Variants in ADCK1 observed in about 807,000 individuals in gnomAD.
ADCK1 encodes aarF domain-containing protein kinase 1.
Under a neutral mutation model 52.3 loss-of-function variants are expected in ADCK1, and 41 were observed. That is an observed-to-expected ratio of 0.78 (90% confidence interval 0.61 to 1.02). The LOEUF (loss-of-function observed/expected upper bound fraction) is 1.02, where lower values mean the gene tolerates loss of function less well. Among genes scored for constraint, ADCK1 ranks in the 50% least tolerant of loss-of-function variants. The pLI is 0.00. For missense variants in ADCK1, 658 were observed against 679.5 expected, an observed-to-expected ratio of 0.97 and a Z score of 0.35; for synonymous variants, 250 against 274.6, an observed-to-expected ratio of 0.91 and a Z score of 0.89.
chr14:77,841,457 A>C (rs904141489), intron 3 of ADCK1, among the ~76,000 whole-genome samples: 4 of 152,006 alleles, frequency 2.6e-5, no homozygotes, highest in African/African-American at 7.2e-5. Context: ...AAAAAACTCT[A>C]TATAAAAAAT....
rs558553937 is a variant in ADCK1 at position 77,871,415 on chromosome 14, T to C, written c.423+12136T>C. Among the ~76,000 whole-genome samples, 3 of 152,256 alleles carry C rather than the reference T, an allele frequency of 2.0e-5. No individual in the cohort carries two copies. In the South Asian group the frequency reaches 6.2e-4, roughly 32 times the overall value. On this transcript the variant is annotated intron_variant, in intron 4 of 10. Coordinates refer to ENST00000238561, the MANE Select transcript of ADCK1 (RefSeq NM_020421.4). ...CTCAGTTGCCCAGGCTGGAGTGTAGTGGCATGATCTCTGCTCATGGCAACC... is the reference window on the plus strand; with the variant it reads ...CTCAGTTGCCCAGGCTGGAGTGTAGCGGCATGATCTCTGCTCATGGCAACC...
rs377136297 is a variant in ADCK1, at chr14:77,917,936, T to C, written c.859-6521T>C. 1.1e-4 allele frequency among the ~76,000 whole-genome samples: 16 copies of C among 152,326 alleles called. No homozygotes were observed. The East Asian group carries it at 1.2e-3, about 11-fold the overall frequency. On this transcript the variant is annotated intron_variant, in intron 7 of 10. Transcript: ENST00000238561. ...GTGGAGAGGCAGTATAACGGAGCGA[T>C]TGAGGCCTGTTCTCTGGAGCCAGTG...
At chr14:77,909,908 A>C (rs1445611568) in intron 7 of ADCK1, among the ~76,000 whole-genome samples, 1 of 152,204 alleles carries the variant, frequency 6.6e-6, no homozygotes, top group East Asian at 1.9e-4. Flanking sequence ...TCAGAGTCTC[A>C]GAGAGAGAAG....
At chr14:77,881,374 G>A (rs942333103) in intron 4 of ADCK1, among the ~76,000 whole-genome samples, 32 of 152,164 alleles carry the variant, frequency 2.1e-4, no homozygotes, top group African/African-American at 7.2e-4. Flanking sequence ...TGAGAGACTC[G>A]TCACAGCCTT....
chr14:77,931,320 G>A (rs1185578996), intron 9 of ADCK1, among the ~76,000 whole-genome samples, 198 bp from the exon 10 acceptor site: 5 of 152,236 alleles, frequency 3.3e-5, no homozygotes, highest in Admixed American at 6.5e-5. Context: ...ATCCCCTTCC[G>A]GGTTTGTCAG....
intron 9 of ADCK1, among the ~76,000 whole-genome samples, chr14:77,927,134 T>G (rs1453533140): frequency 1.3e-5 from 2 of 152,198 alleles, no homozygotes; most frequent in East Asian, 3.9e-4. Flanking sequence ...CTGCTTACCC[T>G]GTAAGCTGCT....
chr14:77,804,085 G>T (rs528155335), intron 1 of ADCK1, among the ~76,000 whole-genome samples: 1 of 152,228 alleles, frequency 6.6e-6, no homozygotes, highest in South Asian at 2.1e-4. Flanking sequence ...TTAATATAAA[G>T]GCTAGTTCTT....
chr14:77,889,090 A>G (rs1325064708), intron 5 of ADCK1, among the ~76,000 whole-genome samples: 1 of 151,698 alleles, frequency 6.6e-6, no homozygotes, highest in South Asian at 2.1e-4. Context: ...CTTGCCTGCC[A>G]CCATGTAAGA....
At chr14:77,849,697 C>T (rs993236904) in intron 3 of ADCK1, among the ~76,000 whole-genome samples, 3 of 152,104 alleles carry the variant, frequency 2.0e-5, no homozygotes, top group Non-Finnish European at 4.4e-5. Context: ...GGTGATCCTT[C>T]CAGCTCAGCC....
At chr14:77,886,943 CA>C in intron 4 of ADCK1, 147 bp from the exon 5 acceptor site, 1 of 603,702 alleles carries the variant, frequency 1.7e-6, no homozygotes, top group Non-Finnish European at 2.4e-6. Context: ...CACACACACG[CA>C]CAACACACAC....
rs905928517 is a variant in ADCK1 at position 77,927,105 on chromosome 14, C to CT, written c.1206+1147dup. ...TGACCTTGGGTGGTCCTCATCACCT[C>CT]TTTGAGCCTCAGGGTAAGCTGCTTA... On this transcript the variant is annotated intron_variant, in intron 9 of 10. Coordinates refer to ENST00000238561, the MANE Select transcript of ADCK1 (RefSeq NM_020421.4). 5.3e-5 allele frequency among the ~76,000 whole-genome samples: 8 copies of CT among 152,292 alleles called. No homozygotes were observed. In the South Asian group the frequency reaches 1.5e-3, roughly 28 times the overall value.
At chr14:77,911,059 CA>C (rs1186162600) in intron 7 of ADCK1, among the ~76,000 whole-genome samples, 8 of 152,148 alleles carry the variant, frequency 5.3e-5, no homozygotes, top group Non-Finnish European at 1.0e-4. Context: ...TGGGGAAAAA[CA>C]ATAACTAATA....
chr14:77,888,989 G>A (rs536680535), intron 5 of ADCK1, among the ~76,000 whole-genome samples: 2 of 152,146 alleles, frequency 1.3e-5, no homozygotes, highest in African/African-American at 4.8e-5. Flanking sequence ...ATTCATGGAG[G>A]CATGTCTTTC....
chr14:77,838,563 A>AT (rs1419704194), intron 3 of ADCK1, among the ~76,000 whole-genome samples: 3 of 151,992 alleles, frequency 2.0e-5, no homozygotes, highest in African/African-American at 7.2e-5. Flanking sequence ...TGCCTGGCTA[A>AT]TTTTTTGTAT....
chr14:77,857,648 C>G (rs1378091539), intron 3 of ADCK1, among the ~76,000 whole-genome samples: 3 of 152,206 alleles, frequency 2.0e-5, no homozygotes, highest in Non-Finnish European at 4.4e-5. Flanking sequence ...TTCTTAATTT[C>G]TAAATTTCCT....
intron 3 of ADCK1, among the ~76,000 whole-genome samples, chr14:77,852,253 T>C (rs2082299101): frequency 6.6e-6 from 1 of 152,186 alleles, no homozygotes; most frequent in Non-Finnish European, 1.5e-5. Context: ...TGCCTTGGCC[T>C]CCCAAAGTGC....
chr14:77,814,695 C>CAAAAA (rs995163952), intron 1 of ADCK1, among the ~76,000 whole-genome samples: 5 of 35,910 alleles, frequency 1.4e-4, no homozygotes, highest in African/African-American at 2.9e-4. Context: ...AAGACACTCT[C>CAAAAA]AAAAAAAAAA....
chr14:77,848,218 T>TA (rs758408041), intron 3 of ADCK1, among the ~76,000 whole-genome samples: 10 of 152,184 alleles, frequency 6.6e-5, no homozygotes, highest in African/African-American at 9.6e-5. Flanking sequence ...TCTTCTCACT[T>TA]ACAAGGAATG....
At chr14:77,919,560 CT>C (rs1027416065) in intron 7 of ADCK1, among the ~76,000 whole-genome samples, 3 of 152,108 alleles carry the variant, frequency 2.0e-5, no homozygotes, top group African/African-American at 4.8e-5. Flanking sequence ...GCATGTGTGT[CT>C]TTTTCATATA....
Sources: allele counts gnomAD v4.1 joint callset (sites outside exome capture counted in the v4.1 genomes callset), GRCh38; gene constraint gnomAD v4.1.1; transcripts MANE v1.5; gene names NCBI Gene and HGNC (gene_info 2026-07-23, HGNC 2026-07-21).